The following DIO2 variants were observed in gnomAD, a reference collection of about 807,000 sequenced individuals.
DIO2 encodes the protein type II iodothyronine deiodinase.
In DIO2, 19 loss-of-function variants were observed where a neutral mutation model predicts 21.4. The observed-to-expected ratio is 0.89, with a 90% CI of 0.62 to 1.30. The LOEUF (loss-of-function observed/expected upper bound fraction) is 1.30, where lower values mean the gene tolerates loss of function less well. DIO2 is among the 50% of genes most tolerant of loss of function. The pLI is 0.00. For synonymous variants in DIO2, 122 were observed against 132.9 expected (o/e 0.92, Z 0.57); for missense variants, 302 against 338.1 (o/e 0.89, Z 0.84).
At chr14:80,212,661 C>A (rs1473560311), upstream of DIO2, among the ~76,000 whole-genome samples, 3 of 151,986 alleles carry the variant, frequency 2.0e-5, no homozygotes, top group African/African-American at 4.8e-5. Context: ...TGACTCCAAC[C>A]CTTTGTAAGA....
chr14:80,224,496 T>TACAC (rs59545805), intron 2 of DIO2, among the ~76,000 whole-genome samples: 20,849 of 138,338 alleles, frequency 0.15, 1,696 homozygotes, highest in Middle Eastern at 0.23. Flanking sequence ...AGAGAGATAC[T>TACAC]ACACACACAC....
intron 1 of DIO2, 66 bp from the exon 2 acceptor site, chr14:80,203,354 C>G (rs1594873009): frequency 6.9e-7 from 1 of 1,449,662 alleles, no homozygotes; most frequent in South Asian, 1.5e-5. Flanking sequence ...AAACACATTG[C>G]CACTTGAATT....
At chr14:80,204,829 T>C (rs1887885353) in intron 1 of DIO2, among the ~76,000 whole-genome samples, 1 of 152,228 alleles carries the variant, frequency 6.6e-6, no homozygotes, top group African/African-American at 2.4e-5. Flanking sequence ...ATTTTAACTG[T>C]AGAGAAAGAA....
At chr14:80,230,026 T>C (rs144211312) in intron 2 of DIO2, among the ~76,000 whole-genome samples, 38 of 152,228 alleles carry the variant, frequency 2.5e-4, no homozygotes, top group Middle Eastern at 3.4e-3. Context: ...TCAACGTTAT[T>C]TTTCCTGGCA....
intron 2 of DIO2, among the ~76,000 whole-genome samples, chr14:80,220,297 G>T (rs1888441041): frequency 6.6e-6 from 1 of 152,208 alleles, no homozygotes; most frequent in East Asian, 1.9e-4. Flanking sequence ...TACATCCTTT[G>T]TCTCCTTTTC....
intron 1 of DIO2, among the ~76,000 whole-genome samples, chr14:80,209,845 T>G (rs1432943259): frequency 1.3e-5 from 2 of 152,242 alleles, no homozygotes; most frequent in African/African-American, 4.8e-5. Flanking sequence ...CAACAGATAT[T>G]TTCTTCTTGA....
Position 80,199,854 on chromosome 14 carries a change from A to G in DIO2, c.*2835T>C, listed in dbSNP as rs1321514868. ...AGACTTTTATATATGATATAAATAT[A>G]TCATAGATTTATACTATGATATATA... is the stretch of plus-strand genomic sequence containing the variant. On this transcript the variant is annotated 3_prime_UTR_variant, in exon 2 of 2. Transcript: ENST00000438257. 1.3e-4 allele frequency: 20 copies of G among 152,628 alleles called. No homozygotes were observed. The highest frequency in any genetic ancestry group is 1.3e-3 in the Admixed American group (20 of 15,272). 9.5% of individuals were successfully genotyped at this position (152,628 alleles called of 1,614,324 possible).
intron 2 of DIO2, among the ~76,000 whole-genome samples, chr14:80,226,851 A>T (rs552517987): frequency 6.6e-6 from 1 of 152,330 alleles, no homozygotes; most frequent in African/African-American, 2.4e-5. Flanking sequence ...ATTGGTCAGC[A>T]CTCACATGGG....
At chr14:80,205,510 T>C in intron 1 of DIO2, 1 of 941,508 alleles carries the variant, frequency 1.1e-6, no homozygotes, top group Non-Finnish European at 1.4e-6. Context: ...CCCTGATTCA[T>C]CCGAGCAGAC....
At chr14:80,217,429 T>G (rs1324401203) in intron 2 of DIO2, among the ~76,000 whole-genome samples, 1 of 152,230 alleles carries the variant, frequency 6.6e-6, no homozygotes, top group Non-Finnish European at 1.5e-5. Flanking sequence ...ATTATTGTTC[T>G]GTTTCCATTT....
chr14:80,217,884 C>T (rs958969355), intron 2 of DIO2, among the ~76,000 whole-genome samples: 2 of 152,218 alleles, frequency 1.3e-5, no homozygotes, highest in Non-Finnish European at 2.9e-5. Flanking sequence ...AGCAGTTTGG[C>T]ATTTGCCTTT....
upstream of DIO2, among the ~76,000 whole-genome samples, chr14:80,212,715 T>C (rs1044642048): frequency 2.0e-5 from 3 of 152,174 alleles, no homozygotes; most frequent in Admixed American, 6.5e-5. Flanking sequence ...CATTATCTTA[T>C]TTAAGAAAAT....
At position 80,203,038 on chromosome 14, in the gene DIO2, A is replaced by G; in HGVS notation, c.473T>C (p.Leu158Pro). 1 of 1,613,948 alleles carries G rather than the reference A, an allele frequency of 6.2e-7. No homozygotes were observed. The highest frequency in any genetic ancestry group is 8.5e-7 in the Non-Finnish European group (1 of 1,179,862). The change falls in exon 2 of 2, where the codon CTG becomes CCG. Residue 158 changes from leucine to proline, a missense_variant. Transcript: ENST00000438257. ...EEFSSVADFLLVYIDEAHPSD... is the reference protein window; with the variant it reads ...EEFSSVADFLPVYIDEAHPSD... ...TGGATGAGCCTCATCAATGTAGACC[A>G]GCAGGAAGTCAGCCACTGAGGAGAA...
At chr14:80,228,989 A>G (rs1888632536) in intron 2 of DIO2, among the ~76,000 whole-genome samples, 1 of 152,124 alleles carries the variant, frequency 6.6e-6, no homozygotes, top group Admixed American at 6.5e-5. Context: ...AGAAAGATTC[A>G]CTGCATAAAC....
intron 2 of DIO2, among the ~76,000 whole-genome samples, chr14:80,225,522 T>G (rs924696752): frequency 2.0e-5 from 3 of 152,212 alleles, no homozygotes; most frequent in Non-Finnish European, 4.4e-5. Flanking sequence ...CACAAACGTT[T>G]TTAACAAAAG....
intron 1 of DIO2, among the ~76,000 whole-genome samples, chr14:80,210,389 C>T (rs1888130189): frequency 1.3e-5 from 2 of 152,194 alleles, no homozygotes; most frequent in African/African-American, 2.4e-5. Context: ...AGATCACTAC[C>T]TCTGATTTTG....
intron 2 of DIO2, among the ~76,000 whole-genome samples, chr14:80,223,915 A>C (rs1888517945): frequency 6.6e-6 from 1 of 152,242 alleles, no homozygotes; most frequent in Admixed American, 6.5e-5. Context: ...AAATGTATCA[A>C]AACAAAGTAA....
At position 80,202,725 on chromosome 14, in the gene DIO2, G is replaced by A. The variant is rs1001765321; in HGVS notation, c.786C>T (p.Phe262=). 1.9e-6 allele frequency: 3 copies of A among 1,613,566 alleles called. No individual in the cohort carries two copies. The highest frequency in any genetic ancestry group is 2.5e-6 in the Non-Finnish European group (3 of 1,179,772). The part of the protein sequence containing the change: ...QEVRHWLEKN[F]SKRUKKTRLA... ...ATCTAGTTTTCTTTCATCTCTTGCT[G>A]AAATTCTTCTCCAGCCAATGCCGGA... The change falls in exon 2 of 2, where the codon TTC becomes TTT. Residue 262 remains phenylalanine, a synonymous_variant. Coordinates refer to ENST00000438257, the MANE Select transcript of DIO2 (RefSeq NM_013989.5).
At position 80,222,256 on chromosome 14, in the gene DIO2, G is replaced by A. The variant is rs1322919611; in HGVS notation, c.-277-5519C>T. On this transcript the variant is annotated intron_variant, in intron 2 of 4. Transcript: ENST00000553594. ...TCCTACAATACATAAAAATGCCAGG[G>A]CAATCTGCTTTCTATGATCAGACAC... Among the ~76,000 whole-genome samples the A allele has an allele frequency of 3.9e-5, 6 of 152,212 alleles. No individual in the cohort carries two copies. In the East Asian group the frequency reaches 7.7e-4, roughly 20 times the overall value.
Sources: gnomAD v4.1 joint callset for allele counts (sites outside exome capture counted in the v4.1 genomes callset) on GRCh38, gnomAD v4.1.1 for gene constraint, MANE v1.5 for transcripts, NCBI Gene and HGNC (gene_info 2026-07-23, HGNC 2026-07-21) for gene names.